Variants in FMNL2 observed in about 807,000 individuals in gnomAD.
FMNL2 encodes formin-like protein 2.
In FMNL2, 51 loss-of-function variants were observed where a neutral mutation model predicts 130.2. That is an observed-to-expected ratio of 0.39 (90% CI 0.31 to 0.49). The LOEUF (loss-of-function observed/expected upper bound fraction) is 0.49. Among genes scored for constraint, FMNL2 ranks in the 20% least tolerant of loss-of-function variants. The pLI is 0.85. For missense variants in FMNL2, 977 were observed against 1,316.2 expected, an observed-to-expected ratio of 0.74 and a Z score of 3.99; for synonymous variants, 465 against 467.1, an observed-to-expected ratio of 1.00 and a Z score of 0.06.
intron 13 of FMNL2, 126 bp from the exon 14 acceptor site, chr2:152,618,720 T>C: frequency 1.3e-6 from 1 of 780,724 alleles, no homozygotes; most frequent in Non-Finnish European, 2.0e-6. Flanking sequence ...AGGTTCTAGC[T>C]GAATTCCAAA....
Position 152,515,152 on chromosome 2 carries a change from C to T in FMNL2, c.118-6791C>T, listed in dbSNP as rs996742402. On this transcript the variant is annotated intron_variant, in intron 1 of 25. Transcript: ENST00000288670. ...TTAATGCCATTCTTTACCATCCTCC[C>T]CACACATCCAGGCTCAATGCATAGT... is the stretch of plus-strand genomic sequence containing the variant. Among the ~76,000 whole-genome samples, 11 of 152,280 alleles carry T rather than the reference C, an allele frequency of 7.2e-5. No homozygotes were observed. In the East Asian group the frequency reaches 9.6e-4, roughly 13 times the overall value.
chr2:152,442,365 C>T (rs1688099254), intron 1 of FMNL2, among the ~76,000 whole-genome samples: 1 of 151,758 alleles, frequency 6.6e-6, no homozygotes, highest in African/African-American at 2.4e-5. Flanking sequence ...GATTCTCCTG[C>T]CTCAACCTCC....
intron 3 of FMNL2, among the ~76,000 whole-genome samples, chr2:152,543,682 T>C (rs1694444763): frequency 6.8e-6 from 1 of 146,940 alleles, no homozygotes; most frequent in Non-Finnish European, 1.5e-5. Context: ...ATCTTTTTCT[T>C]TATCTTCTAC....
intron 1 of FMNL2, among the ~76,000 whole-genome samples, chr2:152,512,754 A>G (rs1275382698): frequency 1.3e-5 from 2 of 152,206 alleles, no homozygotes; most frequent in African/African-American, 4.8e-5. Flanking sequence ...CTAGAGGTTC[A>G]TAAATTAACA....
intron 1 of FMNL2, among the ~76,000 whole-genome samples, chr2:152,396,598 C>T (rs1390054330): frequency 2.0e-5 from 3 of 152,192 alleles, no homozygotes; most frequent in Admixed American, 2.0e-4. Flanking sequence ...ACTTCCATGC[C>T]TCTGGACATC....
chr2:152,442,703 T>G (rs1402207014), intron 1 of FMNL2, among the ~76,000 whole-genome samples: 1 of 152,238 alleles, frequency 6.6e-6, no homozygotes, highest in Admixed American at 6.5e-5. Flanking sequence ...ATAAAAGATA[T>G]CTACAAATTT....
intron 1 of FMNL2, among the ~76,000 whole-genome samples, chr2:152,362,786 G>T (rs935127948): frequency 3.9e-5 from 6 of 152,110 alleles, no homozygotes; most frequent in Non-Finnish European, 7.4e-5. Context: ...AAAATCAGGA[G>T]TCCCAGCAAC....
chr2:152,354,074 A>G (rs1238788707), intron 1 of FMNL2, among the ~76,000 whole-genome samples: 1 of 152,202 alleles, frequency 6.6e-6, no homozygotes, highest in Non-Finnish European at 1.5e-5. Context: ...CTTTCTAGAA[A>G]AAGAGACCCA....
At chr2:152,548,586 C>T (rs903909808) in intron 3 of FMNL2, among the ~76,000 whole-genome samples, 2 of 152,126 alleles carry the variant, frequency 1.3e-5, no homozygotes, top group Non-Finnish European at 2.9e-5. Context: ...CACCTGGTTT[C>T]CTGCACGTTT....
chr2:152,595,840 A>G (rs981785215), intron 9 of FMNL2, among the ~76,000 whole-genome samples: 1 of 146,120 alleles, frequency 6.8e-6, no homozygotes, highest in African/African-American at 2.6e-5. Flanking sequence ...TAATGAGTCT[A>G]ATGTGACAGA....
chr2:152,643,598 C>T, intron 25 of FMNL2: 3 of 1,518,440 alleles, frequency 2.0e-6, no homozygotes, highest in Non-Finnish European at 2.6e-6. Flanking sequence ...CTGTCAGGGC[C>T]CACCAACATG....
intron 1 of FMNL2, among the ~76,000 whole-genome samples, chr2:152,344,850 T>C (rs993375066): frequency 1.3e-5 from 2 of 152,360 alleles, no homozygotes; most frequent in African/African-American, 4.8e-5. Flanking sequence ...GTAAACAACA[T>C]TCATTTATTA....
intron 10 of FMNL2, 97 bp downstream of exon 10, chr2:152,607,510 T>A (rs1417466253): frequency 4.8e-6 from 4 of 829,630 alleles, no homozygotes; most frequent in Non-Finnish European, 7.7e-6. Flanking sequence ...CACACACATA[T>A]TTATATTACA....
rs578161060 is a variant in FMNL2 at position 152,362,779 on chromosome 2, A to G, written c.117+27059A>G. ...ATTAACTTTAACTGTTTCCTTCAAA[A>G]TCAGGAGTCCCAGCAACTGATGACT... On this transcript the variant is annotated intron_variant, in intron 1 of 25. Coordinates refer to ENST00000288670, the MANE Select transcript of FMNL2 (RefSeq NM_052905.4). Among the ~76,000 whole-genome samples the G allele has an allele frequency of 5.9e-5, 9 of 152,298 alleles. No individual in the cohort carries two copies. In the South Asian group the frequency reaches 1.9e-3, roughly 32 times the overall value.
chr2:152,358,725 A>G (rs1296959361), intron 1 of FMNL2, among the ~76,000 whole-genome samples: 6 of 152,198 alleles, frequency 3.9e-5, no homozygotes, highest in Non-Finnish European at 7.4e-5. Flanking sequence ...TGATGAATAC[A>G]ATAACTACTG....
At chr2:152,608,326 A>T (rs963231744) in intron 10 of FMNL2, among the ~76,000 whole-genome samples, 2 of 150,404 alleles carry the variant, frequency 1.3e-5, no homozygotes, top group Non-Finnish European at 3.0e-5. Flanking sequence ...ATAAAACATG[A>T]AACATAGCTT....
At chr2:152,421,574 C>T (rs991929584) in intron 1 of FMNL2, among the ~76,000 whole-genome samples, 2 of 152,148 alleles carry the variant, frequency 1.3e-5, no homozygotes, top group Non-Finnish European at 2.9e-5. Flanking sequence ...GTATATTCTG[C>T]CTCCCAAAAT....
At chr2:152,428,563 C>T (rs1423363210) in intron 1 of FMNL2, among the ~76,000 whole-genome samples, 1 of 152,110 alleles carries the variant, frequency 6.6e-6, no homozygotes, top group African/African-American at 2.4e-5. Context: ...TTTGCTGCAT[C>T]AAATATATGG....
At chr2:152,421,430 G>C (rs1686916964) in intron 1 of FMNL2, among the ~76,000 whole-genome samples, 2 of 152,190 alleles carry the variant, frequency 1.3e-5, no homozygotes, top group African/African-American at 4.8e-5. Flanking sequence ...CAACAAATCA[G>C]TGCTAACCTC....
Sources: gnomAD v4.1 joint callset for allele counts (sites outside exome capture counted in the v4.1 genomes callset) on GRCh38, gnomAD v4.1.1 for gene constraint, MANE v1.5 for transcripts, NCBI Gene and HGNC (gene_info 2026-07-23, HGNC 2026-07-21) for gene names.